UNC13C: variants seen among roughly 807,000 people sequenced by gnomAD.
The protein encoded by UNC13C is protein unc-13 homolog C.
Under a neutral mutation model 245.4 loss-of-function variants are expected in UNC13C, and 174 were observed. That is an observed-to-expected ratio of 0.71 (90% CI 0.63 to 0.80). UNC13C has a LOEUF of 0.80. Among genes scored for constraint, UNC13C ranks in the 30% least tolerant of loss-of-function variants. UNC13C has a pLI of 0.00. For missense variants in UNC13C, 2,829 were observed against 2,602.9 expected (o/e 1.09, Z -1.89); for synonymous variants, 992 against 895.1 (o/e 1.11, Z -1.93).
chr15:53,868,644 G>A, the UNC13C span, among the ~76,000 whole-genome samples: 6 of 152,276 alleles, frequency 3.9e-5, no homozygotes, highest in East Asian at 1.2e-3. Context: ...CAGGCAGTTA[G>A]GGTTGTTAAT....
chr15:53,981,249 T>G (rs1480168270), intron 1 of UNC13C, among the ~76,000 whole-genome samples: 1 of 152,308 alleles, frequency 6.6e-6, no homozygotes, highest in Middle Eastern at 3.4e-3. Flanking sequence ...TTTCAACATA[T>G]ATGTTTCTGT....
intron 1 of UNC13C, among the ~76,000 whole-genome samples, chr15:54,010,595 G>A (rs1413175654): frequency 1.3e-5 from 2 of 152,174 alleles, no homozygotes; most frequent in African/African-American, 2.4e-5. Context: ...TGCTGAGGCA[G>A]ATGTGCTTAT....
At chr15:54,620,009 A>T (rs940207056) in intron 30 of UNC13C, among the ~76,000 whole-genome samples, 8 of 140,656 alleles carry the variant, frequency 5.7e-5, no homozygotes, top group Non-Finnish European at 1.3e-4. Flanking sequence ...TTTCTAACCC[A>T]CAATTGTCAG....
At chr15:54,383,608 A>C (rs2039774312) in intron 17 of UNC13C, among the ~76,000 whole-genome samples, 2 of 152,156 alleles carry the variant, frequency 1.3e-5, no homozygotes, top group African/African-American at 4.8e-5. Flanking sequence ...AAATGAAACA[A>C]ATGGTGAAAA....
intron 2 of UNC13C, among the ~76,000 whole-genome samples, chr15:54,017,878 C>A (rs550622914): frequency 1.3e-5 from 2 of 152,290 alleles, no homozygotes; most frequent in African/African-American, 4.8e-5. Context: ...CCCCTCCATC[C>A]TCTTGGAGCT....
intron 2 of UNC13C, among the ~76,000 whole-genome samples, chr15:54,043,671 G>A (rs1896907609): frequency 3.9e-5 from 6 of 152,190 alleles, no homozygotes; most frequent in African/African-American, 1.4e-4. Flanking sequence ...TCTTGTATTA[G>A]TTAATGTGTA....
chr15:53,998,723 C>A (rs1471187525), intron 1 of UNC13C, among the ~76,000 whole-genome samples: 6 of 152,018 alleles, frequency 3.9e-5, no homozygotes, highest in African/African-American at 1.4e-4. Flanking sequence ...ATTTTGCCTT[C>A]AATTATAAGC....
intron 2 of UNC13C, among the ~76,000 whole-genome samples, chr15:54,068,841 C>A (rs914638343): frequency 6.6e-5 from 10 of 152,222 alleles, no homozygotes; most frequent in African/African-American, 2.2e-4. Context: ...ATAATGAGGG[C>A]AAACTACAGG....
intron 19 of UNC13C, among the ~76,000 whole-genome samples, chr15:54,437,662 A>G (rs920392876): frequency 6.0e-5 from 9 of 151,180 alleles, no homozygotes; most frequent in African/African-American, 2.2e-4. Context: ...GTAGTCAGTT[A>G]GTCCAGTTCT....
intron 14 of UNC13C, among the ~76,000 whole-genome samples, chr15:54,327,848 G>A (rs963819523): frequency 7.2e-5 from 11 of 152,168 alleles, no homozygotes; most frequent in African/African-American, 2.6e-4. Flanking sequence ...CTCTCTCCTT[G>A]ATGATTACAT....
the UNC13C span, among the ~76,000 whole-genome samples, chr15:53,967,649 T>A: frequency 6.6e-6 from 1 of 152,208 alleles, no homozygotes; most frequent in African/African-American, 2.4e-5. Flanking sequence ...TCAAGAGATG[T>A]TTCCTTGAAC....
chr15:54,466,096 C>T (rs1892149111), intron 19 of UNC13C, among the ~76,000 whole-genome samples: 1 of 152,000 alleles, frequency 6.6e-6, no homozygotes, highest in African/African-American at 2.4e-5. Context: ...CACAGAGAGT[C>T]AAATTTTGCA....
intron 19 of UNC13C, among the ~76,000 whole-genome samples, chr15:54,419,019 G>C (rs1372461703): frequency 6.6e-6 from 1 of 152,104 alleles, no homozygotes; most frequent in Non-Finnish European, 1.5e-5. Context: ...GGAGTAGATA[G>C]AGAAGGCAAG....
rs1450628703 is a variant in UNC13C at position 54,546,694 on chromosome 15, T to C, written c.5697-28T>C. 1.4e-5 allele frequency: 19 copies of C among 1,328,146 alleles called. No individual in the cohort carries two copies. The Admixed American group carries it at 5.2e-4, about 37-fold the overall frequency. 82.3% of individuals were successfully genotyped at this position (1,328,146 alleles called of 1,614,324 possible). On this transcript the variant is annotated intron_variant, in intron 26 of 32. Transcript: ENST00000260323. ...GATACCTTGATCTGAAATTTAAAAGTGAATATATATATATATTTTTTTTTC... is the reference window on the plus strand; with the variant it reads ...GATACCTTGATCTGAAATTTAAAAGCGAATATATATATATATTTTTTTTTC...
intron 4 of UNC13C, among the ~76,000 whole-genome samples, chr15:54,189,141 C>G (rs77063985): frequency 6.6e-6 from 1 of 152,214 alleles, no homozygotes; most frequent in Non-Finnish European, 1.5e-5. Flanking sequence ...TACTAGACAT[C>G]TGTATTCATA....
At chr15:54,418,716 G>T (rs925800501) in intron 19 of UNC13C, among the ~76,000 whole-genome samples, 10 of 152,128 alleles carry the variant, frequency 6.6e-5, no homozygotes. Context: ...AAGTGGCTAT[G>T]TGGGAATAAA....
At chr15:54,134,320 T>C (rs1233572007) in intron 2 of UNC13C, among the ~76,000 whole-genome samples, 1 of 151,992 alleles carries the variant, frequency 6.6e-6, no homozygotes. Context: ...ATATTTCTCT[T>C]TTCTTTTTCT....
intron 1 of UNC13C, among the ~76,000 whole-genome samples, chr15:54,001,250 A>G (rs1894872219): frequency 6.6e-6 from 1 of 152,184 alleles, no homozygotes; most frequent in Non-Finnish European, 1.5e-5. Context: ...ATATTGCCTC[A>G]TGTTAGATCC....
the UNC13C span, among the ~76,000 whole-genome samples, chr15:53,843,083 C>T: frequency 6.6e-5 from 10 of 152,040 alleles, 1 homozygote; most frequent in South Asian, 6.2e-4. Flanking sequence ...GTTTCTCATT[C>T]GAATATTTCT....
Sources: gnomAD v4.1 joint callset for allele counts (sites outside exome capture counted in the v4.1 genomes callset) on GRCh38, gnomAD v4.1.1 for gene constraint, MANE v1.5 for transcripts, NCBI Gene and HGNC (gene_info 2026-07-23, HGNC 2026-07-21) for gene names.